The following GYPC variants were observed in gnomAD, a reference collection of about 807,000 sequenced individuals.
GYPC encodes glycophorin C (Gerbich blood group).
A neutral mutation model predicts 12.6 loss-of-function variants in GYPC; 14 were observed. That is an observed-to-expected ratio of 1.11 (90% CI 0.74 to 1.74). GYPC has a LOEUF of 1.74. GYPC is among the 40% of genes most tolerant of loss of function. The pLI, the probability that GYPC is intolerant of heterozygous loss-of-function variation, is 0.00. For synonymous variants in GYPC, 78 were observed against 62.1 expected (o/e 1.26, Z -1.20); for missense variants, 225 against 172.1 (o/e 1.31, Z -1.72).
chr2:126,656,586 G>A (rs762698163), intron 1 of GYPC, among the ~76,000 whole-genome samples: 1 of 152,254 alleles, frequency 6.6e-6, no homozygotes, highest in Admixed American at 6.5e-5. Context: ...CTCCCAGGGC[G>A]TGTCGCCCGC....
chr2:126,673,367 C>T (rs1009296052), intron 1 of GYPC, among the ~76,000 whole-genome samples: 1 of 152,168 alleles, frequency 6.6e-6, no homozygotes, highest in Non-Finnish European at 1.5e-5. Flanking sequence ...TCCCTCTGTC[C>T]TCACCACAGC....
chr2:126,669,830 GT>G (rs28387128), intron 1 of GYPC, among the ~76,000 whole-genome samples: 3,182 of 152,212 alleles, frequency 0.021, 51 homozygotes, highest in Non-Finnish European at 0.027. Context: ...GGAGGCTTTT[GT>G]CCTCTGCCTA....
chr2:126,695,281 G>A (rs917925693), intron 3 of GYPC, among the ~76,000 whole-genome samples: 1 of 152,186 alleles, frequency 6.6e-6, no homozygotes, highest in Admixed American at 6.5e-5. Context: ...ACAAGGTTCA[G>A]TCCTGGGGTA....
At chr2:126,680,752 A>G (rs1310237761) in intron 1 of GYPC, among the ~76,000 whole-genome samples, 1 of 152,200 alleles carries the variant, frequency 6.6e-6, no homozygotes, top group African/African-American at 2.4e-5. Context: ...TTTCCACAAC[A>G]TGCATGTCTT....
At chr2:126,689,127 A>G (rs1019676691) in intron 1 of GYPC, among the ~76,000 whole-genome samples, 9 of 152,176 alleles carry the variant, frequency 5.9e-5, no homozygotes, top group Non-Finnish European at 8.8e-5. Context: ...GGATAATGTC[A>G]TAGAGTGGTC....
rs184629205 is a variant in GYPC, at chr2:126,659,062, G to A, written c.49+2750G>A. Among the ~76,000 whole-genome samples the A allele has an allele frequency of 4.1e-3, 623 of 152,262 alleles. 7 individuals are homozygous for A. Among genetic ancestry groups the A allele is most frequent in the African/African-American group, 0.014 (599 of 41,544 alleles). On this transcript the variant is annotated intron_variant, in intron 1 of 3. Transcript: ENST00000259254. ...AAACTACCCTCCTAAAGGTCACACCGGTTTCTCATGCTCACAAATAGCCTA... is the reference window on the plus strand; with the variant it reads ...AAACTACCCTCCTAAAGGTCACACCAGTTTCTCATGCTCACAAATAGCCTA...
chr2:126,664,761 GC>G (rs1324574737), intron 1 of GYPC, among the ~76,000 whole-genome samples: 2 of 152,334 alleles, frequency 1.3e-5, no homozygotes, highest in African/African-American at 4.8e-5. Flanking sequence ...GCCTGAATCT[GC>G]CCCTTGCTCC....
chr2:126,670,586 C>T (rs1473981016), intron 1 of GYPC, among the ~76,000 whole-genome samples: 1 of 152,166 alleles, frequency 6.6e-6, no homozygotes, highest in Non-Finnish European at 1.5e-5. Context: ...TCGCATGGGT[C>T]ACAGGCTTCG....
At chr2:126,676,390 G>T (rs28387150) in intron 1 of GYPC, among the ~76,000 whole-genome samples, 10,473 of 152,276 alleles carry the variant, frequency 0.069, 451 homozygotes, top group Non-Finnish European at 0.1. Flanking sequence ...ACCCATTCCT[G>T]TTGATCATTA....
chr2:126,674,300 C>T lies in GYPC; in HGVS notation c.50-15955C>T, dbSNP rs148207408. ...GTTGATAAAATGGGCTTGGGCCAGC[C>T]GCTCACCAGCTTCTCCCTCAGACCC... On this transcript the variant is annotated intron_variant, in intron 1 of 3. Coordinates refer to ENST00000259254, the MANE Select transcript of GYPC (RefSeq NM_002101.5). Among the ~76,000 whole-genome samples, 1,038 of 152,270 alleles carry T rather than the reference C, an allele frequency of 6.8e-3. 16 individuals carry two copies. The highest frequency in any genetic ancestry group is 0.024 in the African/African-American group (983 of 41,546).
At chr2:126,661,631 T>C (rs1447165937) in intron 1 of GYPC, among the ~76,000 whole-genome samples, 2 of 152,148 alleles carry the variant, frequency 1.3e-5, no homozygotes, top group African/African-American at 4.8e-5. Flanking sequence ...TTTGTATTTT[T>C]AGTATAGACA....
chr2:126,681,778 C>CAA (rs55636033), intron 1 of GYPC, among the ~76,000 whole-genome samples: 4 of 132,346 alleles, frequency 3.0e-5, no homozygotes, highest in African/African-American at 1.1e-4. Flanking sequence ...AAACTTCATC[C>CAA]AAAAAAAAAA....
chr2:126,688,080 A>G (rs568312608), intron 1 of GYPC, among the ~76,000 whole-genome samples: 1 of 152,320 alleles, frequency 6.6e-6, no homozygotes, highest in East Asian at 1.9e-4. Context: ...AATAACTCCT[A>G]TCGAATGGAA....
intron 1 of GYPC, among the ~76,000 whole-genome samples, chr2:126,670,077 G>T (rs1682803162): frequency 6.6e-6 from 1 of 152,172 alleles, no homozygotes; most frequent in South Asian, 2.1e-4. Context: ...CTCAAAGACG[G>T]TTCTCCTTTG....
intron 1 of GYPC, among the ~76,000 whole-genome samples, chr2:126,683,989 G>A (rs1013764793): frequency 2.0e-5 from 3 of 152,158 alleles, no homozygotes; most frequent in Non-Finnish European, 2.9e-5. Flanking sequence ...TGCAGCCTGC[G>A]TGGGTCCAAT....
intron 1 of GYPC, among the ~76,000 whole-genome samples, chr2:126,677,794 C>T (rs377267580): frequency 6.6e-6 from 1 of 152,292 alleles, no homozygotes; most frequent in African/African-American, 2.4e-5. Flanking sequence ...GGCACCAAAA[C>T]GCATGCTCCC....
At chr2:126,674,474 C>T (rs1263987755) in intron 1 of GYPC, among the ~76,000 whole-genome samples, 4 of 152,022 alleles carry the variant, frequency 2.6e-5, no homozygotes, top group Non-Finnish European at 4.4e-5. Context: ...AATACAGGCT[C>T]GGCAAGGCCG....
chr2:126,683,399 G>T (rs1218734872), intron 1 of GYPC, among the ~76,000 whole-genome samples: 1 of 152,080 alleles, frequency 6.6e-6, no homozygotes, highest in East Asian at 1.9e-4. Context: ...CCTCTCCCCA[G>T]TGGTGGACAA....
rs1683642230 is a variant in GYPC, at chr2:126,696,258, T to A, written c.*116T>A. The A allele has an allele frequency of 3.7e-6, 3 of 817,406 alleles. No individual in the cohort carries two copies. Among genetic ancestry groups the A allele is most frequent in the Admixed American group, 2.0e-5 (1 of 49,898 alleles). 50.6% of individuals were successfully genotyped at this position (817,406 alleles called of 1,614,324 possible). A position where few individuals can be genotyped will look rare whatever the true frequency, so the allele number is the denominator to read the frequency against. On this transcript the variant is annotated 3_prime_UTR_variant, in exon 4 of 4. Transcript: ENST00000259254. ...GACAGAGAGAGAGAGCACTTGATTC[T>A]TCCCGAGATAGCCACCTGGAAACAC...
Sources: gnomAD v4.1 joint callset for allele counts (sites outside exome capture counted in the v4.1 genomes callset) on GRCh38, gnomAD v4.1.1 for gene constraint, MANE v1.5 for transcripts, NCBI Gene and HGNC (gene_info 2026-07-23, HGNC 2026-07-21) for gene names.